Variants in MAP3K1 observed in about 807,000 individuals in gnomAD.
MAP3K1 encodes MAP/ERK kinase kinase 1.
In MAP3K1, 36 loss-of-function variants were observed where a neutral mutation model predicts 144.2. The ratio of observed to expected loss-of-function variants is 0.25; its 90% CI spans 0.19 to 0.33. The LOEUF (loss-of-function observed/expected upper bound fraction) is 0.33, where lower values mean the gene tolerates loss of function less well. MAP3K1 is among the 10% of genes least tolerant of loss of function. The pLI is 1.00. For synonymous variants in MAP3K1, 718 were observed against 688.7 expected, an observed-to-expected ratio of 1.04 and a Z score of -0.67; for missense variants, 1,650 against 1,881.9, an observed-to-expected ratio of 0.88 and a Z score of 2.28.
At chr5:56,878,818 A>T (rs573763128) in intron 10 of MAP3K1, among the ~76,000 whole-genome samples, 162 bp from the exon 11 acceptor site, 17 of 152,216 alleles carry the variant, frequency 1.1e-4, no homozygotes, top group South Asian at 2.1e-4. Context: ...TTATTTTGTT[A>T]GTTAGTTGTA....
chr5:56,889,200 G>A (rs1280640333), intron 19 of MAP3K1, among the ~76,000 whole-genome samples: 3 of 151,942 alleles, frequency 2.0e-5, no homozygotes, highest in African/African-American at 4.8e-5. Context: ...ACAGAGTCTC[G>A]CTGCAGTGCC....
intron 1 of MAP3K1, among the ~76,000 whole-genome samples, chr5:56,827,866 A>G (rs1746367994): frequency 6.7e-6 from 1 of 148,542 alleles, no homozygotes; most frequent in Non-Finnish European, 1.5e-5. Flanking sequence ...CTCCATCTCA[A>G]AAAAAAAAAA....
At chr5:56,864,378 CT>C (rs11331657) in intron 3 of MAP3K1, among the ~76,000 whole-genome samples, 75,023 of 116,938 alleles carry the variant, frequency 0.64, 21,775 homozygotes, top group South Asian at 0.74. Flanking sequence ...ATAATAGTTT[CT>C]TTTTTTTTTT....
intron 1 of MAP3K1, among the ~76,000 whole-genome samples, chr5:56,836,320 C>T (rs1746654751): frequency 2.3e-5 from 1 of 43,644 alleles, no homozygotes; most frequent in Non-Finnish European, 6.5e-5. Context: ...AGCATGTGTA[C>T]CTGACTACAG....
chr5:56,815,661 G>C lies in MAP3K1; in HGVS notation c.88G>C (p.Ala30Pro). ...CCCTGAGGCAGGCGGCGGCGGAGGAGCCCTCAAGGCGAGCAGCGCGCCCGC... is the reference window on the plus strand; with the variant it reads ...CCCTGAGGCAGGCGGCGGCGGAGGACCCCTCAAGGCGAGCAGCGCGCCCGC... ...TSPEAGGGGG[A>P]LKASSAPAAA... The change falls in exon 1 of 20, where the codon GCC becomes CCC. Residue 30 changes from alanine to proline, a missense_variant. Around this residue, in one of 6 missense-constraint regions of MAP3K1, gnomAD observed 360 missense variants for 274.7 expected, o/e 1.31. Transcript: ENST00000399503. The C allele has an allele frequency of 7.5e-7, 1 of 1,326,570 alleles. No individual in the cohort carries two copies. The highest frequency in any genetic ancestry group is 9.6e-7 in the Non-Finnish European group (1 of 1,039,032). The allele number at this position is 1,326,570 out of a possible 1,614,324, so 82.2% of individuals were successfully genotyped here. A position where few individuals can be genotyped will look rare whatever the true frequency, so the allele number is the denominator to read the frequency against.
Position 56,815,595 on chromosome 5 carries a change from C to A in MAP3K1, c.22C>A (p.Arg8Ser). ...GAAAATGGCGGCGGCGGCGGGGAATCGCGCCTCGTCGTCGGGATTCCCGGG... is the reference window on the plus strand; with the variant it reads ...GAAAATGGCGGCGGCGGCGGGGAATAGCGCCTCGTCGTCGGGATTCCCGGG... MAAAAGN[R>S]ASSSGFPGAR... Residue 8 changes from arginine (R) to serine (S), a missense_variant, in exon 1 of 20, where the codon CGC becomes AGC. Around this residue, in one of 6 missense-constraint regions of MAP3K1, gnomAD observed 360 missense variants for 274.7 expected, o/e 1.31. Transcript: ENST00000399503. 6.1e-6 allele frequency: 8 copies of A among 1,301,198 alleles called. No homozygotes were observed. Among genetic ancestry groups the A allele is most frequent in the South Asian group, 4.4e-5 (2 of 45,008 alleles). The allele number at this position is 1,301,198 out of a possible 1,614,324, so 80.6% of individuals were successfully genotyped here. A position where few individuals can be genotyped will look rare whatever the true frequency, so the allele number is the denominator to read the frequency against.
At chr5:56,824,757 A>G (rs1163442792) in intron 1 of MAP3K1, among the ~76,000 whole-genome samples, 2 of 152,226 alleles carry the variant, frequency 1.3e-5, no homozygotes, top group African/African-American at 4.8e-5. Context: ...ATACTGAATA[A>G]ATATGTACTT....
Position 56,864,950 on chromosome 5 carries a change from A to G in MAP3K1, c.1035+16A>G. 6.2e-7 allele frequency: 1 copy of G among 1,611,974 alleles called. No homozygotes were observed. Among genetic ancestry groups the G allele is most frequent in the Non-Finnish European group, 8.5e-7 (1 of 1,178,264 alleles). On this transcript the variant is annotated intron_variant, in intron 4 of 19. Transcript: ENST00000399503. ...TGGGCCTCAGGTAGGATTCGTCACCATTTTATACTTTATTAGTAGTAGTAT... is the reference window on the plus strand; with the variant it reads ...TGGGCCTCAGGTAGGATTCGTCACCGTTTTATACTTTATTAGTAGTAGTAT...
intron 19 of MAP3K1, among the ~76,000 whole-genome samples, chr5:56,890,805 G>A (rs1274255859): frequency 6.6e-6 from 1 of 152,036 alleles, no homozygotes; most frequent in East Asian, 1.9e-4. Context: ...CCAGCACTTT[G>A]GGAGGCTGAG....
intron 19 of MAP3K1, among the ~76,000 whole-genome samples, chr5:56,890,918 C>T (rs1240235531): frequency 6.6e-6 from 1 of 151,806 alleles, no homozygotes; most frequent in African/African-American, 2.4e-5. Context: ...TAGTGAGACG[C>T]ACCTGTGCTC....
At chr5:56,816,386 C>T (rs1021379765) in intron 1 of MAP3K1, among the ~76,000 whole-genome samples, 2 of 152,142 alleles carry the variant, frequency 1.3e-5, no homozygotes, top group South Asian at 2.1e-4. Context: ...CGGGGCTCTC[C>T]GAGGAGCCCG....
At chr5:56,873,631 A>C (rs977560800) in intron 9 of MAP3K1, among the ~76,000 whole-genome samples, 1 of 152,144 alleles carries the variant, frequency 6.6e-6, no homozygotes, top group Non-Finnish European at 1.5e-5. Flanking sequence ...TTTTAAATGT[A>C]GGATCTAAAA....
chr5:56,823,034 C>T (rs1746201040), intron 1 of MAP3K1, among the ~76,000 whole-genome samples: 1 of 152,154 alleles, frequency 6.6e-6, no homozygotes, highest in Non-Finnish European at 1.5e-5. Flanking sequence ...GCTGTCCGTT[C>T]CAATCTGTAT....
intron 10 of MAP3K1, among the ~76,000 whole-genome samples, chr5:56,876,856 C>T (rs1382667907): frequency 6.6e-6 from 1 of 152,042 alleles, no homozygotes; most frequent in African/African-American, 2.4e-5. Context: ...TTGGATTATC[C>T]CCCAAATCAT....
intron 6 of MAP3K1, among the ~76,000 whole-genome samples, chr5:56,871,154 A>T (rs1747838428): frequency 6.6e-6 from 1 of 152,148 alleles, no homozygotes; most frequent in Non-Finnish European, 1.5e-5. Context: ...ATTTTGCCAT[A>T]AATGGAATCA....
rs1391350819 is a variant in MAP3K1 at position 56,879,092 on chromosome 5, A to T, written c.2078A>T (p.Asp693Val). ...VVDTILVKCA[D>V]ANSRTSQLSI... ...GACACCATCCTAGTCAAATGTGCAG[A>T]TGCCAATAGGTAAGGCTTTATTGAT... Residue 693 changes from aspartate (D) to valine (V), a missense_variant, in exon 11 of 20, where the codon GAT (aspartate) becomes GTT (valine). By Grantham distance (152) the Asp-to-Val change is radical. Transcript: ENST00000399503. 2.5e-6 allele frequency: 4 copies of T among 1,613,970 alleles called. No individual in the cohort carries two copies. The highest frequency in any genetic ancestry group is 1.1e-5 in the South Asian group (1 of 91,086).
intron 11 of MAP3K1, among the ~76,000 whole-genome samples, chr5:56,879,451 T>C (rs1367048014): frequency 6.6e-6 from 1 of 152,190 alleles, no homozygotes; most frequent in Non-Finnish European, 1.5e-5. Context: ...TTACACAGAA[T>C]AGGAACCAGT....
chr5:56,840,288 C>T (rs112506540), intron 1 of MAP3K1, among the ~76,000 whole-genome samples: 2 of 152,146 alleles, frequency 1.3e-5, no homozygotes, highest in African/African-American at 4.8e-5. Flanking sequence ...GCCGGGATTA[C>T]AGGCACATGC....
chr5:56,865,274 A>G (rs1293662416), intron 4 of MAP3K1, 66 bp from the exon 5 acceptor site: 1 of 924,574 alleles, frequency 1.1e-6, no homozygotes, highest in Non-Finnish European at 1.8e-6. Flanking sequence ...TGTAAAAGTG[A>G]TAAATTTAGA....
Sources: allele counts gnomAD v4.1 joint callset (sites outside exome capture counted in the v4.1 genomes callset), GRCh38; gene constraint gnomAD v4.1.1; regional missense constraint gnomAD v4.1.1; transcripts MANE v1.5; gene names NCBI Gene and HGNC (gene_info 2026-07-23, HGNC 2026-07-21).